The following PDZD8 variants were observed in gnomAD, a reference collection of about 807,000 sequenced individuals.
The protein encoded by PDZD8 is PDZ domain-containing protein 8.
A neutral mutation model predicts 85.8 loss-of-function variants in PDZD8; 14 were observed. That is an observed-to-expected ratio of 0.16 (90% CI 0.11 to 0.26). The LOEUF (loss-of-function observed/expected upper bound fraction) is 0.26. Among genes scored for constraint, PDZD8 ranks in the 10% least tolerant of loss-of-function variants. The pLI is 1.00. For missense variants in PDZD8, 1,197 were observed against 1,424.3 expected (o/e 0.84, Z 2.57); for synonymous variants, 592 against 568.6 (o/e 1.04, Z -0.59).
intron 2 of PDZD8, among the ~76,000 whole-genome samples, chr10:117,323,862 T>C (rs1487271456): frequency 6.6e-6 from 1 of 152,108 alleles, no homozygotes; most frequent in Non-Finnish European, 1.5e-5. Context: ...TGTTACTGAC[T>C]TGAAAATTCA....
rs530866245 is a variant in PDZD8 at position 117,322,367 on chromosome 10, G to A, written c.996-3393C>T. Among the ~76,000 whole-genome samples, 19 of 152,162 alleles carry A rather than the reference G, an allele frequency of 1.2e-4. No individual in the cohort carries two copies. The East Asian group carries it at 3.1e-3, about 25-fold the overall frequency. On this transcript the variant is annotated intron_variant, in intron 2 of 4. Transcript: ENST00000334464. ...ATCCTCTGTCTTCCTCAGGAAGCCC[G>A]GAAAATTGTTTTCTTTTGCTTTGCT...
At position 117,374,420 on chromosome 10, in the gene PDZD8, T is replaced by G; in HGVS notation, c.808A>C (p.Ile270Leu). The change falls in exon 1 of 5, where the codon ATC becomes CTC. Residue 270 changes from isoleucine (I) to leucine (L), a missense_variant. By Grantham distance (5) the Ile-to-Leu change is conservative (BLOSUM62 2). Coordinates refer to ENST00000334464, the MANE Select transcript of PDZD8 (RefSeq NM_173791.5). This position sits in a 1 kb window ranked among gnomAD's most constrained non-coding sequence, Gnocchi z 7.8. ...EGRPMPQLTS[I>L]IVNQLKKIIK... ...ATCTTCTTGAGCTGGTTGACGATGA[T>G]GGAGGTGAGCTGGGGCATGGGCCGC... is the stretch of plus-strand genomic sequence containing the variant. 6.2e-7 allele frequency: 1 copy of G among 1,614,208 alleles called. No individual in the cohort carries two copies. The highest frequency in any genetic ancestry group is 8.5e-7 in the Non-Finnish European group (1 of 1,180,034).
chr10:117,327,631 G>C (rs1391461537), intron 2 of PDZD8, among the ~76,000 whole-genome samples: 1 of 152,106 alleles, frequency 6.6e-6, no homozygotes. Context: ...TTGCAGAACA[G>C]AGGCTGTCCT....
intron 2 of PDZD8, among the ~76,000 whole-genome samples, chr10:117,334,737 T>G (rs1054714921): frequency 3.3e-5 from 5 of 151,870 alleles, no homozygotes; most frequent in African/African-American, 1.2e-4. Context: ...TAAATGAGAT[T>G]AAAAATTCAC....
chr10:117,368,994 T>A (rs529260458), intron 1 of PDZD8, among the ~76,000 whole-genome samples: 68 of 151,744 alleles, frequency 4.5e-4, no homozygotes, highest in African/African-American at 1.6e-3. Context: ...CAGCTGGGAC[T>A]GCAGGTGCGT....
chr10:117,346,549 G>A (rs1844712518), intron 1 of PDZD8, among the ~76,000 whole-genome samples: 1 of 151,790 alleles, frequency 6.6e-6, no homozygotes, highest in Non-Finnish European at 1.5e-5. Flanking sequence ...GAAAGTTCTC[G>A]GTGGAATTTT....
At chr10:117,290,419 A>G in intron 3 of PDZD8, 71 bp from the exon 4 acceptor site, 1 of 1,230,562 alleles carries the variant, frequency 8.1e-7, no homozygotes, top group Non-Finnish European at 1.1e-6. Context: ...AAACAGTAAC[A>G]GACTGTTATG....
At chr10:117,354,575 G>C (rs1844860659) in intron 1 of PDZD8, among the ~76,000 whole-genome samples, 1 of 152,010 alleles carries the variant, frequency 6.6e-6, no homozygotes, top group African/African-American at 2.4e-5. Context: ...TAACAAATAG[G>C]CTTATTTGAG....
At chr10:117,332,651 C>A (rs768445425) in intron 2 of PDZD8, among the ~76,000 whole-genome samples, 1 of 151,674 alleles carries the variant, frequency 6.6e-6, no homozygotes, top group Non-Finnish European at 1.5e-5. Context: ...GGATTACAGG[C>A]ATATGCCACC....
intron 2 of PDZD8, among the ~76,000 whole-genome samples, chr10:117,333,248 T>G (rs1844461263): frequency 6.6e-6 from 1 of 151,552 alleles, no homozygotes; most frequent in Non-Finnish European, 1.5e-5. Flanking sequence ...CTTGTGGATC[T>G]CAGTTCATCT....
At chr10:117,301,523 T>C (rs74159164) in intron 3 of PDZD8, among the ~76,000 whole-genome samples, 5,157 of 152,292 alleles carry the variant, frequency 0.034, 284 homozygotes, top group African/African-American at 0.11. Context: ...ACAACATACT[T>C]GGCAGAAAAT....
At position 117,283,881 on chromosome 10, in the gene PDZD8, A is replaced by T. The variant is rs1241700872; in HGVS notation, c.2852T>A (p.Val951Asp). ...TGGTTCAGAAAGGCGAGTTTTAGAG[A>T]CTTGACGCAAATTTAATAAACGAGA... is the stretch of plus-strand genomic sequence containing the variant. ...TSSRLLNLRQ[V>D]SKTRLSEPGT... Residue 951 changes from valine (V) to aspartate (D), a missense_variant, in exon 5 of 5, where the codon GTC (valine) becomes GAC (aspartate). This residue lies in a region of PDZD8 where 418 missense variants were observed against 571.1 expected (regional missense o/e 0.73). Coordinates refer to ENST00000334464, the MANE Select transcript of PDZD8 (RefSeq NM_173791.5). 29 of 1,613,990 alleles carry T rather than the reference A, an allele frequency of 1.8e-5. No homozygotes were observed. Among genetic ancestry groups the T allele is most frequent in the Non-Finnish European group, 2.3e-5 (27 of 1,180,038 alleles).
intron 3 of PDZD8, among the ~76,000 whole-genome samples, chr10:117,293,377 A>G (rs1327994574): frequency 6.6e-6 from 1 of 152,124 alleles, no homozygotes; most frequent in East Asian, 1.9e-4. Context: ...AAACATAAAT[A>G]GAAACCCTAA....
At chr10:117,367,306 G>A (rs1845106934) in intron 1 of PDZD8, among the ~76,000 whole-genome samples, 1 of 152,122 alleles carries the variant, frequency 6.6e-6, no homozygotes, top group African/African-American at 2.4e-5. Context: ...AGCTACTTGG[G>A]AGGCTGAGGC....
intron 3 of PDZD8, 100 bp from the exon 4 acceptor site, chr10:117,290,448 T>C: frequency 3.7e-6 from 3 of 800,898 alleles, no homozygotes; most frequent in Non-Finnish European, 5.6e-6. Flanking sequence ...GCACCATGGC[T>C]GATGCTGACT....
chr10:117,318,558 T>C (rs972412267), intron 3 of PDZD8, among the ~76,000 whole-genome samples: 3 of 152,194 alleles, frequency 2.0e-5, no homozygotes, highest in African/African-American at 7.2e-5. Flanking sequence ...TAATGAATAC[T>C]CTGAATTCAC....
chr10:117,316,230 A>C (rs2532838), intron 3 of PDZD8, among the ~76,000 whole-genome samples: 116,479 of 151,738 alleles, frequency 0.77, 45,365 homozygotes, highest in Non-Finnish European at 0.85. Flanking sequence ...AAATGAGCTA[A>C]GCAGGGCACT....
In PDZD8 at chr10:117,342,340, A is replaced by G. The variant is rs73391006; in HGVS notation, c.873-1238T>C. On this transcript the variant is annotated intron_variant, in intron 1 of 4. Transcript: ENST00000334464. ...ACCCTACACATTGTCACTAGCCATG[A>G]TATCTACTTGCTCAGAAAGTTTTAG... is the stretch of plus-strand genomic sequence containing the variant. Among the ~76,000 whole-genome samples the G allele has an allele frequency of 4.7e-3, 715 of 152,028 alleles. 10 individuals are homozygous for G. Among genetic ancestry groups the G allele is most frequent in the African/African-American group, 0.017 (690 of 41,480 alleles).
At chr10:117,347,722 T>A (rs1392149873) in intron 1 of PDZD8, among the ~76,000 whole-genome samples, 2 of 152,008 alleles carry the variant, frequency 1.3e-5, no homozygotes, top group Non-Finnish European at 2.9e-5. Flanking sequence ...TAACAGTAGA[T>A]ATGAACTGGA....
Sources: gnomAD v4.1 joint callset for allele counts (sites outside exome capture counted in the v4.1 genomes callset) on GRCh38, gnomAD v4.1.1 for gene constraint, gnomAD v4.1.1 regional missense constraint, Gnocchi (gnomAD v3.1) non-coding constraint, MANE v1.5 for transcripts, NCBI Gene and HGNC (gene_info 2026-07-23, HGNC 2026-07-21) for gene names.